ACLY: variants seen among roughly 807,000 people sequenced by gnomAD.
The protein encoded by ACLY is ATP-citrate synthase.
A neutral mutation model predicts 133.0 loss-of-function variants in ACLY; 41 were observed. The ratio of observed to expected loss-of-function variants is 0.31; its 90% CI spans 0.24 to 0.40. ACLY has a LOEUF of 0.40. ACLY is among the 10% of genes least tolerant of loss of function. The pLI, the probability that ACLY is intolerant of heterozygous loss-of-function variation, is 1.00. For synonymous variants in ACLY, 495 were observed against 549.3 expected (o/e 0.90, Z 1.38); for missense variants, 1,046 against 1,453.8 (o/e 0.72, Z 4.56).
intron 20 of ACLY, among the ~76,000 whole-genome samples, chr17:41,881,200 C>G (rs1375667452): frequency 6.6e-6 from 1 of 151,868 alleles, no homozygotes; most frequent in Admixed American, 6.6e-5. Context: ...GAGGCCGAGG[C>G]AGGTGGATCA....
chr17:41,913,799 G>A lies in ACLY; in HGVS notation c.75C>T (p.Ile25=). 6.2e-7 allele frequency: 1 copy of A among 1,614,242 alleles called. No individual in the cohort carries two copies. ...LYKFICTTSA[I]QNRFKYARVT... is the part of the protein sequence containing the mutation. ...CCCGAGCATACTTGAACCGATTCTG[G>A]ATGGCTGAGGTGGTACAGATGAACT... The change falls in exon 2 of 29, where the codon ATC becomes ATT. Residue 25 remains isoleucine, a synonymous_variant. Transcript: ENST00000352035.
intron 16 of ACLY, among the ~76,000 whole-genome samples, chr17:41,891,695 T>C (rs2049217904): frequency 6.6e-6 from 1 of 152,106 alleles, no homozygotes; most frequent in South Asian, 2.1e-4. Context: ...TATTTTATTT[T>C]ACTTTATTTA....
chr17:41,880,894 T>C (rs953867161), intron 20 of ACLY, among the ~76,000 whole-genome samples: 3 of 148,038 alleles, frequency 2.0e-5, no homozygotes, highest in Non-Finnish European at 4.5e-5. Context: ...AAACCTAAAA[T>C]AATTCAAGGA....
intron 11 of ACLY, 37 bp from the exon 12 acceptor site, chr17:41,898,822 C>G (rs1555630969): frequency 1.3e-6 from 2 of 1,595,622 alleles, no homozygotes; most frequent in Admixed American, 3.5e-5. Flanking sequence ...TAATTCAAGT[C>G]TGCAGATAAG....
At chr17:41,871,855 T>C (rs1462771247) in intron 24 of ACLY, 23 bp from the exon 25 acceptor site, 1 of 1,612,988 alleles carries the variant, frequency 6.2e-7, no homozygotes, top group African/African-American at 1.3e-5. Flanking sequence ...CAAGTGCGTG[T>C]TGCCTTGAGC....
chr17:41,920,700 A>G (rs2144450163), upstream of ACLY, among the ~76,000 whole-genome samples: 1 of 152,106 alleles, frequency 6.6e-6, no homozygotes, highest in Non-Finnish European at 1.5e-5. Context: ...AGAGCCCAGA[A>G]GTTCAAGTAC....
At chr17:41,875,710 C>T (rs2048726024) in intron 22 of ACLY, among the ~76,000 whole-genome samples, 1 of 152,216 alleles carries the variant, frequency 6.6e-6, no homozygotes, top group Admixed American at 6.5e-5. Context: ...TCCTGAGGTG[C>T]CGGGATTGCA....
intron 3 of ACLY, 141 bp downstream of exon 3, chr17:41,912,279 G>C: frequency 9.4e-7 from 1 of 1,064,430 alleles, no homozygotes; most frequent in Admixed American, 2.6e-5. Flanking sequence ...CCACCTGAGT[G>C]GGTCAGCGCC....
chr17:41,908,782 T>C (rs566379056), intron 6 of ACLY, among the ~76,000 whole-genome samples: 7 of 151,778 alleles, frequency 4.6e-5, no homozygotes, highest in African/African-American at 1.5e-4. Flanking sequence ...AAGAGAGAGG[T>C]TGGAGTTGAC....
intron 2 of ACLY, among the ~76,000 whole-genome samples, chr17:41,913,211 G>A (rs948799652): frequency 6.6e-6 from 1 of 152,280 alleles, no homozygotes; most frequent in South Asian, 2.1e-4. Context: ...GACCCTCCAG[G>A]GTCGGGGCCA....
rs782692566 is a variant in ACLY, at chr17:41,867,796, G to A, written c.*14C>T. The A allele has an allele frequency of 3.8e-6, 6 of 1,596,472 alleles. No homozygotes were observed. Among genetic ancestry groups the A allele is most frequent in the East Asian group, 2.3e-5 (1 of 43,980 alleles). On this transcript the variant is annotated 3_prime_UTR_variant, in exon 29 of 29. Transcript: ENST00000352035. ...TCTTGTCTTCAGTTTACTGCAGTAG[G>A]GTTCCTGGCTCTGTTACATGCTCAT...
intron 14 of ACLY, among the ~76,000 whole-genome samples, chr17:41,895,306 T>C (rs1397840442): frequency 6.6e-5 from 10 of 152,156 alleles, no homozygotes; most frequent in Non-Finnish European, 1.5e-4. Context: ...ATGCCTCTGA[T>C]CTATCTACCC....
At chr17:41,878,241 T>C (rs1481629158) in intron 21 of ACLY, 45 bp from the exon 22 acceptor site, 1 of 1,425,728 alleles carries the variant, frequency 7.0e-7, no homozygotes, top group East Asian at 2.6e-5. Context: ...TTTTCTTATT[T>C]TGGGCTCCTG....
chr17:41,874,086 A>G, intron 22 of ACLY, 121 bp from the exon 23 acceptor site: 2 of 1,061,390 alleles, frequency 1.9e-6, no homozygotes, highest in Non-Finnish European at 2.5e-6. Flanking sequence ...AAACTCTGGC[A>G]GCCAAGTAAC....
intron 8 of ACLY, 62 bp downstream of exon 8, chr17:41,906,466 T>A: frequency 6.9e-7 from 1 of 1,450,856 alleles, no homozygotes; most frequent in Non-Finnish European, 9.7e-7. Flanking sequence ...CCACCCAGGC[T>A]ACACACATGT....
intron 14 of ACLY, among the ~76,000 whole-genome samples, chr17:41,895,148 A>G (rs2144324287): frequency 6.6e-6 from 1 of 152,320 alleles, no homozygotes; most frequent in Non-Finnish European, 1.5e-5. Flanking sequence ...GTCCGAGGTC[A>G]TCCAGCATCA....
chr17:41,919,792 G>T (rs1172202197), upstream of ACLY, among the ~76,000 whole-genome samples: 1 of 152,230 alleles, frequency 6.6e-6, no homozygotes, highest in Admixed American at 6.5e-5. Flanking sequence ...TCCATTACCT[G>T]AGACAGATCG....
Position 41,909,525 on chromosome 17 carries a change from G to A in ACLY, c.521C>T (p.Pro174Leu), listed in dbSNP as rs782351546. The change falls in exon 5 of 29, where the codon CCT becomes CTT. Residue 174 changes from proline to leucine, a missense_variant. By Grantham distance (98) the Pro-to-Leu change is moderately conservative. Transcript: ENST00000352035. ...DIKKHLLVHAPEDKKEILASF... is the reference protein window; with the variant it reads ...DIKKHLLVHALEDKKEILASF... ...CTCACTCAACTCTTTCTTGTCTTCA[G>A]GGGCGTGGACCAACAGGTGTTTTTT... 1 of 1,614,080 alleles carries A rather than the reference G, an allele frequency of 6.2e-7. No homozygotes were observed. The highest frequency in any genetic ancestry group is 8.5e-7 in the Non-Finnish European group (1 of 1,179,970).
At chr17:41,906,068 G>A (rs2144378216) in intron 8 of ACLY, among the ~76,000 whole-genome samples, 1 of 152,302 alleles carries the variant, frequency 6.6e-6, no homozygotes, top group South Asian at 2.1e-4. Flanking sequence ...AAGTGAGCAG[G>A]TGTCTACCAT....
Sources: allele counts gnomAD v4.1 joint callset (sites outside exome capture counted in the v4.1 genomes callset), GRCh38; gene constraint gnomAD v4.1.1; transcripts MANE v1.5; gene names NCBI Gene and HGNC (gene_info 2026-07-23, HGNC 2026-07-21).